RAB20: variants seen among roughly 807,000 people sequenced by gnomAD.
RAB20 encodes the protein RAB20, member RAS oncogene family, also known as ras-related protein Rab-20.
RAB20 carries 2 observed loss-of-function variants against 3.7 expected under a neutral mutation model. The observed-to-expected ratio is 0.54, with a 90% CI of 0.22 to 1.69. The LOEUF is 1.69. Ranked by LOEUF, RAB20 falls within the 40% of genes most tolerant of loss-of-function variation. RAB20 has a pLI of 0.19. For synonymous variants in RAB20, 126 were observed against 130.8 expected, an observed-to-expected ratio of 0.96 and a Z score of 0.25; for missense variants, 276 against 311.9, an observed-to-expected ratio of 0.88 and a Z score of 0.87.
chr13:110,524,062 C>T lies in RAB20; in HGVS notation c.308G>A (p.Ser103Asn), dbSNP rs1884385652. Residue 103 changes from serine to asparagine, a missense_variant, in exon 2 of 2, where the codon AGC (serine) becomes AAC (asparagine). By Grantham distance (46) the Ser-to-Asn change is conservative. Transcript: ENST00000267328. ...CACGATGGCAAAGAGGCAGTCTTTG[C>T]TGGCTGTGTCTGTCAGGCCCAGGAA... The part of the protein sequence containing the change: ...DRFLGLTDTA[S>N]KDCLFAIVGN... 12 of 1,613,826 alleles carry T rather than the reference C, an allele frequency of 7.4e-6. No individual in the cohort carries two copies. Among genetic ancestry groups the T allele is most frequent in the Non-Finnish European group, 9.3e-6 (11 of 1,180,028 alleles).
At chr13:110,543,997 A>C (rs1463148206) in intron 1 of RAB20, among the ~76,000 whole-genome samples, 2 of 151,152 alleles carry the variant, frequency 1.3e-5, no homozygotes, top group African/African-American at 4.9e-5. Flanking sequence ...CTGGTCTCAA[A>C]CTCCTCCTGA....
At chr13:110,556,435 A>T (rs370974778) in intron 1 of RAB20, among the ~76,000 whole-genome samples, 1 of 152,228 alleles carries the variant, frequency 6.6e-6, no homozygotes. Context: ...CCAGAAAGGA[A>T]TGCAATCCTG....
chr13:110,533,670 G>C (rs571537881), intron 1 of RAB20, among the ~76,000 whole-genome samples: 2 of 152,190 alleles, frequency 1.3e-5, no homozygotes, highest in African/African-American at 2.4e-5. Flanking sequence ...CCGGGCAGCA[G>C]AGCAAGACCC....
chr13:110,527,373 C>T (rs1357242452), intron 1 of RAB20, among the ~76,000 whole-genome samples: 7 of 152,090 alleles, frequency 4.6e-5, no homozygotes, highest in East Asian at 1.9e-4. Flanking sequence ...TCCAGCTCCC[C>T]CTTCAGCAAA....
At position 110,557,076 on chromosome 13, in the gene RAB20, A is replaced by G. The variant is rs117256430; in HGVS notation, c.172+4272T>C. Among the ~76,000 whole-genome samples, 352 of 152,298 alleles carry G rather than the reference A, an allele frequency of 2.3e-3. 7 individuals are homozygous for G. The South Asian group carries it at 0.038, about 16-fold the overall frequency. On this transcript the variant is annotated intron_variant, in intron 1 of 1. Coordinates refer to ENST00000267328, the MANE Select transcript of RAB20 (RefSeq NM_017817.3). The stretch of plus-strand genomic sequence containing the variant: ...GGAATCAGAAGGAAGCGAGAAGCAT[A>G]GCAGAGAAAACCTGCATCCTCGTAG...
chr13:110,528,085 A>G (rs937681815), intron 1 of RAB20, among the ~76,000 whole-genome samples: 1 of 152,058 alleles, frequency 6.6e-6, no homozygotes, highest in Non-Finnish European at 1.5e-5. Context: ...CCTGAGCAAC[A>G]GTGAGACCCC....
At chr13:110,526,460 C>G (rs1436723581) in intron 1 of RAB20, among the ~76,000 whole-genome samples, 1 of 141,178 alleles carries the variant, frequency 7.1e-6, no homozygotes, top group African/African-American at 2.5e-5. Context: ...CAAAATGCAA[C>G]AGTGGCCCAT....
At chr13:110,549,499 G>T (rs983959837) in intron 1 of RAB20, among the ~76,000 whole-genome samples, 16 of 152,156 alleles carry the variant, frequency 1.1e-4, no homozygotes, top group Non-Finnish European at 1.5e-5. Context: ...GGTGCCTTAG[G>T]CCTCAGGAAC....
intron 1 of RAB20, among the ~76,000 whole-genome samples, chr13:110,546,105 C>G (rs773785758): frequency 6.6e-6 from 1 of 150,756 alleles, no homozygotes; most frequent in African/African-American, 2.4e-5. Context: ...AAAAAAAAAG[C>G]CTCAGCCATT....
chr13:110,542,368 A>G (rs558246003), intron 1 of RAB20, among the ~76,000 whole-genome samples: 23 of 152,232 alleles, frequency 1.5e-4, no homozygotes, highest in African/African-American at 5.3e-4. Flanking sequence ...CAAGCCTATC[A>G]CATGGTACTG....
chr13:110,533,985 G>C (rs1221413299), intron 1 of RAB20, among the ~76,000 whole-genome samples: 1 of 152,196 alleles, frequency 6.6e-6, no homozygotes, highest in Non-Finnish European at 1.5e-5. Flanking sequence ...CCTCCAGAGA[G>C]CCAATGGCTT....
At chr13:110,532,165 G>A (rs1035455387) in intron 1 of RAB20, among the ~76,000 whole-genome samples, 62 of 152,224 alleles carry the variant, frequency 4.1e-4, no homozygotes, top group Admixed American at 2.0e-4. Flanking sequence ...GCCAGGGCAA[G>A]AGTGGGGCTG....
intron 1 of RAB20, among the ~76,000 whole-genome samples, chr13:110,558,283 A>G (rs1192799136): frequency 6.6e-6 from 1 of 151,524 alleles, no homozygotes. Flanking sequence ...AAGGGCTGGG[A>G]GTGGCAAGTG....
chr13:110,538,777 GA>G (rs1232779983), intron 1 of RAB20, among the ~76,000 whole-genome samples: 1 of 152,110 alleles, frequency 6.6e-6, no homozygotes, highest in African/African-American at 2.4e-5. Flanking sequence ...GCGAGACCGT[GA>G]AAGAACCATC....
intron 1 of RAB20, among the ~76,000 whole-genome samples, chr13:110,528,422 A>AAC (rs1555335185): frequency 6.6e-6 from 1 of 151,032 alleles, no homozygotes; most frequent in African/African-American, 2.5e-5. Flanking sequence ...TCAAAAAAAA[A>AAC]AAAAACAAAA....
chr13:110,546,543 C>T (rs1484372859), intron 1 of RAB20, among the ~76,000 whole-genome samples: 1 of 152,076 alleles, frequency 6.6e-6, no homozygotes, highest in African/African-American at 2.4e-5. Context: ...GTAGAAATGC[C>T]TCATTTTTTA....
chr13:110,548,485 A>G (rs1162649845), intron 1 of RAB20, among the ~76,000 whole-genome samples: 1 of 121,766 alleles, frequency 8.2e-6, no homozygotes. Context: ...CTGTCTCAAA[A>G]ACAAAAATAA....
At chr13:110,530,995 T>A (rs548030644) in intron 1 of RAB20, among the ~76,000 whole-genome samples, 1 of 152,342 alleles carries the variant, frequency 6.6e-6, no homozygotes, top group South Asian at 2.1e-4. Flanking sequence ...AATGAGCTGT[T>A]AACTTCCACG....
chr13:110,553,825 C>G (rs1884996256), intron 1 of RAB20, among the ~76,000 whole-genome samples: 1 of 152,204 alleles, frequency 6.6e-6, no homozygotes, highest in Admixed American at 6.5e-5. Flanking sequence ...CAGCTAAAAT[C>G]TGACTCCTGG....
Sources: allele counts gnomAD v4.1 joint callset (sites outside exome capture counted in the v4.1 genomes callset), GRCh38; gene constraint gnomAD v4.1.1; transcripts MANE v1.5; gene names NCBI Gene and HGNC (gene_info 2026-07-23, HGNC 2026-07-21).